Variants in EIPR1 observed in about 807,000 individuals in gnomAD.
EIPR1 encodes EARP and GARP complex-interacting protein 1.
In EIPR1, 25 loss-of-function variants were observed where a neutral mutation model predicts 48.1. The ratio of observed to expected loss-of-function variants is 0.52; its 90% CI spans 0.38 to 0.73. EIPR1 has a LOEUF of 0.73. EIPR1 is among the 30% of genes least tolerant of loss of function. The pLI, the probability that EIPR1 is intolerant of heterozygous loss-of-function variation, is 0.00. For missense variants in EIPR1, 415 were observed against 506.2 expected, an observed-to-expected ratio of 0.82 and a Z score of 1.73; for synonymous variants, 204 against 201.9, an observed-to-expected ratio of 1.01 and a Z score of -0.09.
chr2:3,260,507 A>AAGGGAGGAAGGG (rs1667297572), intron 3 of EIPR1, among the ~76,000 whole-genome samples: 1 of 49,076 alleles, frequency 2.0e-5, no homozygotes, highest in African/African-American at 8.2e-5. Flanking sequence ...TGAAGGAAGG[A>AAGGGAGGAAGGG]AGGGAGGGAG....
At chr2:3,353,046 T>C (rs1330421068) in intron 2 of EIPR1, among the ~76,000 whole-genome samples, 1 of 152,232 alleles carries the variant, frequency 6.6e-6, no homozygotes, top group Non-Finnish European at 1.5e-5. Flanking sequence ...TAAGGTGTTC[T>C]GACAGACAGA....
At chr2:3,269,686 G>A (rs111780611) in intron 3 of EIPR1, among the ~76,000 whole-genome samples, 38 of 136,548 alleles carry the variant, frequency 2.8e-4, no homozygotes, top group Admixed American at 5.0e-4. Context: ...CGCAATCATC[G>A]CACTCAATCA....
At position 3,370,323 on chromosome 2, in the gene EIPR1, CA is replaced by C. The variant is rs1671082710; in HGVS notation, c.42+7324del. On this transcript the variant is annotated intron_variant, in intron 1 of 8. Coordinates refer to ENST00000382125, the MANE Select transcript of EIPR1 (RefSeq NM_003310.5). The stretch of plus-strand genomic sequence containing the variant: ...CAGAAAAACTGGAAACTCTAAAAAG[CA>C]GAGCGCTTCTCCTCCTCCAAAGGAA... 2.6e-5 allele frequency among the ~76,000 whole-genome samples: 4 copies of C among 152,166 alleles called. No homozygotes were observed. In the South Asian group the frequency reaches 8.3e-4, roughly 32 times the overall value.
intron 3 of EIPR1, among the ~76,000 whole-genome samples, chr2:3,289,416 G>A (rs116807408): frequency 0.014 from 2,108 of 152,210 alleles, 45 homozygotes; most frequent in African/African-American, 0.049. Flanking sequence ...GAACAGTCTC[G>A]TCCTCTGTGG....
At chr2:3,269,763 C>G (rs988712802) in intron 3 of EIPR1, among the ~76,000 whole-genome samples, 1 of 152,240 alleles carries the variant, frequency 6.6e-6, no homozygotes, top group Non-Finnish European at 1.5e-5. Context: ...GTGGAAATCT[C>G]GCTTCGTCCA....
intron 6 of EIPR1, among the ~76,000 whole-genome samples, chr2:3,194,716 G>T (rs1357224524): frequency 2.0e-5 from 3 of 151,780 alleles, no homozygotes; most frequent in Admixed American, 1.3e-4. Flanking sequence ...AGTGGGGAAG[G>T]CCATGGAAGC....
chr2:3,249,228 T>C (rs902545511), intron 4 of EIPR1, among the ~76,000 whole-genome samples: 1 of 152,222 alleles, frequency 6.6e-6, no homozygotes, highest in Non-Finnish European at 1.5e-5. Flanking sequence ...ATATGGACAG[T>C]GAAGGCCTGA....
At chr2:3,323,984 T>C (rs1669614459) in intron 3 of EIPR1, among the ~76,000 whole-genome samples, 1 of 152,096 alleles carries the variant, frequency 6.6e-6, no homozygotes, top group African/African-American at 2.4e-5. Context: ...CCCAGACATG[T>C]AGGAAAACTG....
At chr2:3,210,781 C>A (rs1182757598) in intron 5 of EIPR1, among the ~76,000 whole-genome samples, 3 of 152,074 alleles carry the variant, frequency 2.0e-5, no homozygotes, top group Non-Finnish European at 4.4e-5. Context: ...CAGGCACGTG[C>A]CACCACGCCT....
chr2:3,344,634 C>CTT lies in EIPR1; in HGVS notation c.127-6487_127-6486dup, dbSNP rs1178498027. ...ATAGAAACATATACTGGTTCTGGTT[C>CTT]TTTTTTTTTTTTTTTTTTTTTTTTT... On this transcript the variant is annotated intron_variant, in intron 2 of 8. Transcript: ENST00000382125. Among the ~76,000 whole-genome samples the CTT allele has an allele frequency of 4.8e-3, 358 of 74,230 alleles. 45 individuals are homozygous for CTT. Among genetic ancestry groups the CTT allele is most frequent in the East Asian group, 9.9e-3 (22 of 2,216 alleles). The allele number at this position is 74,230 out of a possible 152,430, so 48.7% of individuals were successfully genotyped here. A position where few individuals can be genotyped will look rare whatever the true frequency, so the allele number is the denominator to read the frequency against.
chr2:3,367,179 T>G (rs1456548253), intron 1 of EIPR1, among the ~76,000 whole-genome samples: 1 of 151,516 alleles, frequency 6.6e-6, no homozygotes, highest in Admixed American at 6.6e-5. Flanking sequence ...TCTACAGAAA[T>G]GCCTCTGCAA....
intron 3 of EIPR1, among the ~76,000 whole-genome samples, chr2:3,317,256 C>T (rs540609821): frequency 5.8e-5 from 8 of 139,118 alleles, no homozygotes; most frequent in Non-Finnish European, 1.1e-4. Flanking sequence ...ACCTACTGTG[C>T]GCCTTGCATG....
At chr2:3,300,697 T>C (rs574094410) in intron 3 of EIPR1, among the ~76,000 whole-genome samples, 3 of 151,946 alleles carry the variant, frequency 2.0e-5, no homozygotes, top group Middle Eastern at 6.8e-3. Flanking sequence ...GTACACACAA[T>C]GCACTTATTT....
intron 4 of EIPR1, among the ~76,000 whole-genome samples, chr2:3,225,620 C>T (rs1666039104): frequency 1.3e-5 from 2 of 152,186 alleles, no homozygotes; most frequent in Non-Finnish European, 2.9e-5. Context: ...TCCATCAACT[C>T]ATATAGTTAA....
chr2:3,343,207 G>A (rs1010904771), intron 2 of EIPR1, among the ~76,000 whole-genome samples: 2 of 152,146 alleles, frequency 1.3e-5, no homozygotes, highest in Non-Finnish European at 2.9e-5. Context: ...CAGGGCGGCA[G>A]CAAGCCAGAG....
chr2:3,348,358 C>T (rs754526241), intron 2 of EIPR1, among the ~76,000 whole-genome samples: 1 of 152,184 alleles, frequency 6.6e-6, no homozygotes, highest in Non-Finnish European at 1.5e-5. Flanking sequence ...AAGATTAAGA[C>T]TCATCTCTTA....
At chr2:3,250,984 A>G (rs1309471767) in intron 4 of EIPR1, among the ~76,000 whole-genome samples, 2 of 152,082 alleles carry the variant, frequency 1.3e-5, no homozygotes, top group Non-Finnish European at 2.9e-5. Flanking sequence ...ATTCCTTTAT[A>G]GCAATGCAAA....
At chr2:3,296,747 C>G (rs1348809342) in intron 3 of EIPR1, among the ~76,000 whole-genome samples, 2 of 152,172 alleles carry the variant, frequency 1.3e-5, no homozygotes, top group African/African-American at 4.8e-5. Context: ...ACCCTCCATC[C>G]AGCCTATCCT....
chr2:3,371,626 A>G (rs1321663282), intron 1 of EIPR1, among the ~76,000 whole-genome samples: 3 of 152,218 alleles, frequency 2.0e-5, no homozygotes, highest in African/African-American at 7.2e-5. Context: ...AGATCAAAAG[A>G]GACAAAGAAG....
Sources: gnomAD v4.1 joint callset for allele counts (sites outside exome capture counted in the v4.1 genomes callset) on GRCh38, gnomAD v4.1.1 for gene constraint, MANE v1.5 for transcripts, NCBI Gene and HGNC (gene_info 2026-07-23, HGNC 2026-07-21) for gene names.